TTC28: variants seen among roughly 807,000 people sequenced by gnomAD.
TTC28 encodes tetratricopeptide repeat protein 28.
A neutral mutation model predicts 198.0 loss-of-function variants in TTC28; 61 were observed. The observed-to-expected ratio is 0.31, with a 90% confidence interval of 0.25 to 0.38. The LOEUF is 0.38. TTC28 is among the 10% of genes least tolerant of loss of function. TTC28 has a pLI of 1.00. For synonymous variants in TTC28, 1,171 were observed against 1,297.8 expected (o/e 0.90, Z 2.10); for missense variants, 2,678 against 3,164.0 (o/e 0.85, Z 3.69).
At chr22:28,363,174 G>C (rs2046185683) in intron 2 of TTC28, among the ~76,000 whole-genome samples, 1 of 152,222 alleles carries the variant, frequency 6.6e-6, no homozygotes, top group South Asian at 2.1e-4. Context: ...ATGGTTTCAT[G>C]GGCCGGACCC....
At chr22:28,534,198 T>G (rs2049211220) in intron 2 of TTC28, among the ~76,000 whole-genome samples, 1 of 151,990 alleles carries the variant, frequency 6.6e-6, no homozygotes, top group Admixed American at 6.6e-5. Flanking sequence ...TACAAAGAAC[T>G]TAAAACAAAT....
intron 2 of TTC28, among the ~76,000 whole-genome samples, chr22:28,362,306 C>CTT (rs1401871069): frequency 1.8e-4 from 28 of 152,260 alleles, no homozygotes; most frequent in African/African-American, 6.7e-4. Context: ...AGTTCTCTCT[C>CTT]TTTGCCTGCT....
chr22:28,440,590 T>C (rs575497375), intron 2 of TTC28, among the ~76,000 whole-genome samples: 1 of 152,298 alleles, frequency 6.6e-6, no homozygotes, highest in African/African-American at 2.4e-5. Context: ...AAATGCTGCT[T>C]GGGGTAGCAC....
chr22:28,456,580 A>AT (rs925346197), intron 2 of TTC28, among the ~76,000 whole-genome samples: 19 of 150,394 alleles, frequency 1.3e-4, no homozygotes, highest in African/African-American at 3.4e-4. Context: ...TTCTCTCATA[A>AT]TTTTTTTTTT....
chr22:28,162,224 T>C (rs541445490), intron 6 of TTC28, among the ~76,000 whole-genome samples: 3 of 152,248 alleles, frequency 2.0e-5, no homozygotes, highest in Non-Finnish European at 4.4e-5. Context: ...AATGTTTTAA[T>C]TGTAACCAAG....
chr22:28,443,483 T>A (rs1158557515), intron 2 of TTC28, among the ~76,000 whole-genome samples: 1 of 152,186 alleles, frequency 6.6e-6, no homozygotes, highest in African/African-American at 2.4e-5. Context: ...CCTTCTTGGA[T>A]AACTTGGGAA....
At chr22:28,336,950 C>G (rs1185296742) in intron 2 of TTC28, among the ~76,000 whole-genome samples, 1 of 152,174 alleles carries the variant, frequency 6.6e-6, no homozygotes, top group Admixed American at 6.5e-5. Flanking sequence ...AATTTTAGAT[C>G]TTTCCTGCTT....
At chr22:28,413,782 A>T (rs773464759) in intron 2 of TTC28, among the ~76,000 whole-genome samples, 1 of 152,214 alleles carries the variant, frequency 6.6e-6, no homozygotes, top group African/African-American at 2.4e-5. Context: ...ACCACCAATG[A>T]CATGGGCTGT....
intron 2 of TTC28, among the ~76,000 whole-genome samples, chr22:28,354,823 A>C (rs1335542362): frequency 6.7e-6 from 1 of 149,862 alleles, no homozygotes; most frequent in African/African-American, 2.4e-5. Flanking sequence ...AATAAAGAAT[A>C]CTCTTTTTTT....
chr22:28,433,248 C>T (rs1197509744), intron 2 of TTC28, among the ~76,000 whole-genome samples: 4 of 152,122 alleles, frequency 2.6e-5, no homozygotes, highest in Non-Finnish European at 4.4e-5. Flanking sequence ...GTCTATAAAA[C>T]TGTCTTGTCT....
chr22:28,656,863 A>T (rs1041129969), intron 1 of TTC28, among the ~76,000 whole-genome samples: 1 of 152,190 alleles, frequency 6.6e-6, no homozygotes, highest in African/African-American at 2.4e-5. Flanking sequence ...GTATATAACA[A>T]ATCTGCACGT....
intron 2 of TTC28, among the ~76,000 whole-genome samples, chr22:28,618,916 T>G (rs1178636332): frequency 6.6e-6 from 1 of 152,088 alleles, no homozygotes; most frequent in African/African-American, 2.4e-5. Flanking sequence ...CCTATATTAA[T>G]AGGATCTGAT....
chr22:28,074,552 G>A (rs146743958), intron 12 of TTC28, among the ~76,000 whole-genome samples: 2 of 152,330 alleles, frequency 1.3e-5, no homozygotes, highest in Non-Finnish European at 2.9e-5. Context: ...TCTGCCAGGT[G>A]TTCAGGGCAT....
chr22:28,649,248 A>G (rs768591676), intron 1 of TTC28, among the ~76,000 whole-genome samples: 82 of 152,180 alleles, frequency 5.4e-4, no homozygotes, highest in Non-Finnish European at 1.0e-3. Flanking sequence ...AAAAAACTAC[A>G]TATTGGATAT....
chr22:28,510,221 C>T (rs1329331370), intron 2 of TTC28, among the ~76,000 whole-genome samples: 1 of 151,308 alleles, frequency 6.6e-6, no homozygotes, highest in East Asian at 1.9e-4. Context: ...GGCAGAGATA[C>T]AAAACATCAA....
chr22:28,170,500 A>G (rs1922562292), intron 5 of TTC28, among the ~76,000 whole-genome samples: 1 of 151,960 alleles, frequency 6.6e-6, no homozygotes, highest in South Asian at 2.1e-4. Context: ...AAAAAAAAAA[A>G]AAAGAAAAAA....
Position 28,633,372 on chromosome 22 carries a change from G to A in TTC28, c.103-3542C>T, listed in dbSNP as rs150178883. Among the ~76,000 whole-genome samples the A allele has an allele frequency of 5.0e-3, 760 of 151,996 alleles. 7 individuals are homozygous for A. Among genetic ancestry groups the A allele is most frequent in the South Asian group, 0.021 (103 of 4,802 alleles). On this transcript the variant is annotated intron_variant, in intron 1 of 22. Coordinates refer to ENST00000397906, the MANE Select transcript of TTC28 (RefSeq NM_001145418.2). Reference sequence around the variant, plus strand: ...AAGCCAGGTACAATAGCTCATGCCTGTAATCCCACACTTTGGGAGGCAAAG... The same window carrying A: ...AAGCCAGGTACAATAGCTCATGCCTATAATCCCACACTTTGGGAGGCAAAG...
At chr22:28,457,032 T>G (rs1315398033) in intron 2 of TTC28, among the ~76,000 whole-genome samples, 3 of 152,208 alleles carry the variant, frequency 2.0e-5, no homozygotes, top group Non-Finnish European at 4.4e-5. Context: ...TGCTATGAAT[T>G]TATTATAAGT....
intron 1 of TTC28, among the ~76,000 whole-genome samples, chr22:28,677,172 AAAAAT>A (rs1362799239): frequency 1.2e-3 from 21 of 18,052 alleles, no homozygotes; most frequent in East Asian, 9.7e-3. Flanking sequence ...AAAAAAAAAA[AAAAAT>A]ATATATATAT....
Sources: gnomAD v4.1 joint callset for allele counts (sites outside exome capture counted in the v4.1 genomes callset) on GRCh38, gnomAD v4.1.1 for gene constraint, MANE v1.5 for transcripts, NCBI Gene and HGNC (gene_info 2026-07-23, HGNC 2026-07-21) for gene names.